NEXMIF: variants seen among roughly 807,000 people sequenced by gnomAD.
NEXMIF encodes the protein neurite extension and migration factor.
In NEXMIF, 8 loss-of-function variants were observed where a neutral mutation model predicts 62.1. The ratio of observed to expected loss-of-function variants is 0.13; its 90% CI spans 0.08 to 0.23. NEXMIF has a LOEUF of 0.23. Among genes scored for constraint, NEXMIF ranks in the 10% least tolerant of loss-of-function variants. The pLI is 1.00. For synonymous variants in NEXMIF, 404 were observed against 416.6 expected, an observed-to-expected ratio of 0.97 and a Z score of 0.37; for missense variants, 976 against 1,113.3, an observed-to-expected ratio of 0.88 and a Z score of 1.75.
chrX:74,900,474 A>AATAAAG lies in NEXMIF; in HGVS notation c.-48+24408_-48+24409insCTTTAT, dbSNP rs1556041533. Among the ~76,000 whole-genome samples the AATAAAG allele has an allele frequency of 4.3e-3, 461 of 106,002 alleles. 1 individual carries two copies. Among genetic ancestry groups the AATAAAG allele is most frequent in the African/African-American group, 0.015 (429 of 29,375 alleles). 92.0% of individuals were successfully genotyped at this position (106,002 alleles called of 115,157 possible). A position where few individuals can be genotyped will look rare whatever the true frequency, so the allele number is the denominator to read the frequency against. On this transcript the variant is annotated intron_variant, in intron 1 of 3. Transcript: ENST00000055682. ...TGAGACTCCGTCTCAAAAAAAAAAA[A>AATAAAG]AAAAAGAAAAAGAAAAAGAAAAAGG...
chrX:74,865,497 A>T (rs2080575424), intron 1 of NEXMIF, among the ~76,000 whole-genome samples: 1 of 112,094 alleles, frequency 8.9e-6, no homozygotes, highest in African/African-American at 3.2e-5. Context: ...AGAAAAACCC[A>T]TTTTCTGGGG....
At chrX:74,885,737 C>T (rs2080689818) in intron 1 of NEXMIF, among the ~76,000 whole-genome samples, 1 of 111,835 alleles carries the variant, frequency 8.9e-6, no homozygotes, top group Non-Finnish European at 1.9e-5. Flanking sequence ...GAGCTGGTAC[C>T]ATTCATTCTG....
intron 1 of NEXMIF, among the ~76,000 whole-genome samples, chrX:74,881,931 C>T (rs2080666227): frequency 9.0e-6 from 1 of 111,566 alleles, no homozygotes; most frequent in East Asian, 2.8e-4. Context: ...CCGTGATGGT[C>T]TAATCTAGGA....
At chrX:74,796,154 C>CATATATATTATATATATTATATATATAT (rs2080307037) in intron 1 of NEXMIF, among the ~76,000 whole-genome samples, 1 of 43,837 alleles carries the variant, frequency 2.3e-5, no homozygotes, top group African/African-American at 7.6e-5. Context: ...TATATATATA[C>CATATATATTATATATATTATATATATAT]ATATATATTA....
intron 1 of NEXMIF, among the ~76,000 whole-genome samples, chrX:74,913,801 C>A (rs759285156): frequency 1.2e-3 from 138 of 111,759 alleles, no homozygotes; most frequent in Non-Finnish European, 2.0e-3. Flanking sequence ...AGGATTTCTA[C>A]ATCAGGTGAA....
intron 1 of NEXMIF, among the ~76,000 whole-genome samples, chrX:74,775,359 G>A (rs1298479580): frequency 9.0e-6 from 1 of 111,426 alleles, no homozygotes; most frequent in Non-Finnish European, 1.9e-5. Flanking sequence ...CAGGATACTG[G>A]GCCTTGAAAA....
intron 1 of NEXMIF, among the ~76,000 whole-genome samples, chrX:74,794,292 G>A (rs1472914686): frequency 2.8e-5 from 3 of 106,373 alleles, no homozygotes; most frequent in African/African-American, 1.0e-4. Flanking sequence ...CTGCTCGGGG[G>A]TCAGGGGTCA....
intron 1 of NEXMIF, among the ~76,000 whole-genome samples, chrX:74,781,765 C>G (rs2080247969): frequency 1.0e-5 from 1 of 98,821 alleles, no homozygotes; most frequent in African/African-American, 3.6e-5. Flanking sequence ...TCCCTCTTAC[C>G]AGGATGTGGT....
At chrX:74,863,923 C>A (rs1216972245) in intron 1 of NEXMIF, among the ~76,000 whole-genome samples, 1 of 112,232 alleles carries the variant, frequency 8.9e-6, no homozygotes, top group Non-Finnish European at 1.9e-5. Context: ...ACAATCAAGT[C>A]AGCTTCATTC....
At chrX:74,871,799 C>T (rs2080602125) in intron 1 of NEXMIF, among the ~76,000 whole-genome samples, 1 of 111,639 alleles carries the variant, frequency 9.0e-6, no homozygotes, top group African/African-American at 3.3e-5. Flanking sequence ...CTGAAAATTG[C>T]TATTATTCTG....
intron 1 of NEXMIF, among the ~76,000 whole-genome samples, chrX:74,886,101 T>C (rs777753017): frequency 2.3e-4 from 26 of 111,887 alleles, no homozygotes; most frequent in African/African-American, 6.2e-4. Flanking sequence ...TTCAACAGCC[T>C]TTCATGCTAA....
chrX:74,807,787 G>T (rs2080349461), intron 1 of NEXMIF, among the ~76,000 whole-genome samples: 2 of 111,753 alleles, frequency 1.8e-5, no homozygotes, highest in Admixed American at 1.9e-4. Flanking sequence ...TACTGAATTA[G>T]CTAGAACTTC....
At chrX:74,794,561 G>T (rs1027318699) in intron 1 of NEXMIF, among the ~76,000 whole-genome samples, 4 of 112,384 alleles carry the variant, frequency 3.6e-5, no homozygotes, top group East Asian at 2.8e-4. Context: ...AATGGCGAGC[G>T]CCCCTCCCCC....
intron 1 of NEXMIF, among the ~76,000 whole-genome samples, chrX:74,886,688 T>A (rs1239259166): frequency 2.7e-5 from 3 of 110,504 alleles, no homozygotes; most frequent in Non-Finnish European, 5.6e-5. Flanking sequence ...TGCTCATGGG[T>A]AGGAAGAATC....
At chrX:74,805,577 T>C (rs949171387) in intron 1 of NEXMIF, among the ~76,000 whole-genome samples, 1 of 112,113 alleles carries the variant, frequency 8.9e-6, no homozygotes, top group Non-Finnish European at 1.9e-5. Context: ...CCATAAATTC[T>C]TTGCCAGTGC....
intron 1 of NEXMIF, among the ~76,000 whole-genome samples, chrX:74,756,859 A>T (rs751887003): frequency 9.0e-6 from 1 of 111,092 alleles, no homozygotes; most frequent in South Asian, 3.7e-4. Flanking sequence ...CACCCATTGC[A>T]CATGCAATTC....
chrX:74,862,978 C>T (rs974340214), intron 1 of NEXMIF, among the ~76,000 whole-genome samples: 3 of 110,665 alleles, frequency 2.7e-5, no homozygotes, highest in African/African-American at 9.9e-5. Context: ...TGAGACCAGC[C>T]TGGCTAACAT....
intron 1 of NEXMIF, among the ~76,000 whole-genome samples, chrX:74,922,782 G>GT (rs1440435662): frequency 9.0e-6 from 1 of 111,701 alleles, no homozygotes; most frequent in Non-Finnish European, 1.9e-5. Flanking sequence ...AAAAAAAGCA[G>GT]TTTATCAGTA....
At chrX:74,799,760 T>C (rs766726236) in intron 1 of NEXMIF, among the ~76,000 whole-genome samples, 4 of 111,982 alleles carry the variant, frequency 3.6e-5, no homozygotes, top group African/African-American at 1.3e-4. Flanking sequence ...CCTCCCAAAG[T>C]GCTGGGATTA....
Sources: allele counts gnomAD v4.1 joint callset (sites outside exome capture counted in the v4.1 genomes callset), GRCh38; gene constraint gnomAD v4.1.1; transcripts MANE v1.5; gene names NCBI Gene and HGNC (gene_info 2026-07-23, HGNC 2026-07-21).